The following SRL variants were observed in gnomAD, a reference collection of about 807,000 sequenced individuals.
SRL encodes sarcalumenin.
Under a neutral mutation model 39.5 loss-of-function variants are expected in SRL, and 23 were observed. The ratio of observed to expected loss-of-function variants is 0.58; its 90% CI spans 0.42 to 0.82. The LOEUF is 0.82. Among genes scored for constraint, SRL ranks in the 40% least tolerant of loss-of-function variants. The pLI is 0.00. For synonymous variants in SRL, 272 were observed against 237.4 expected, an observed-to-expected ratio of 1.15 and a Z score of -1.34; for missense variants, 592 against 607.8, an observed-to-expected ratio of 0.97 and a Z score of 0.27.
At position 4,203,196 on chromosome 16, in the gene SRL, A is replaced by G. The variant is rs1364637463; in HGVS notation, c.229T>C (p.Tyr77His). ...ATCTCATGCTGCCGGAGCTCATTGT[A>G]CTTGTAGGACTGCTCCAGAGGCTTG... ...SIKPLEQSYK[Y>H]NELRQHEITD... Residue 77 changes from tyrosine to histidine, a missense_variant, in exon 3 of 6, where the codon TAC becomes CAC. Coordinates refer to ENST00000399609, the MANE Select transcript of SRL (RefSeq NM_001098814.2). 6.2e-7 allele frequency: 1 copy of G among 1,614,048 alleles called. No homozygotes were observed. The highest frequency in any genetic ancestry group is 1.3e-5 in the African/African-American group (1 of 74,928).
At chr16:4,212,713 C>A (rs773799070) in intron 1 of SRL, among the ~76,000 whole-genome samples, 7 of 152,146 alleles carry the variant, frequency 4.6e-5, no homozygotes, top group Non-Finnish European at 1.0e-4. Context: ...GCCCAGAGAC[C>A]ATGGGAAGGC....
chr16:4,193,795 A>G (rs2052098292), intron 5 of SRL, among the ~76,000 whole-genome samples: 1 of 152,022 alleles, frequency 6.6e-6, no homozygotes, highest in South Asian at 2.1e-4. Flanking sequence ...TGTCTTAAAA[A>G]CATTGAAATC....
chr16:4,212,566 C>T lies in SRL; in HGVS notation c.62-7932G>A, dbSNP rs191946563. Among the ~76,000 whole-genome samples, 4 of 152,338 alleles carry T rather than the reference C, an allele frequency of 2.6e-5. No individual in the cohort carries two copies. The East Asian group carries it at 7.7e-4, about 29-fold the overall frequency. Reference sequence around the variant, plus strand: ...AGGACACCCTGGAGAGGTGAATCCCCAGTAAGATGAGTCTTGGTCTATCCT... The same window carrying T: ...AGGACACCCTGGAGAGGTGAATCCCTAGTAAGATGAGTCTTGGTCTATCCT... On this transcript the variant is annotated intron_variant, in intron 1 of 5. Coordinates refer to ENST00000399609, the MANE Select transcript of SRL (RefSeq NM_001098814.2).
intron 1 of SRL, among the ~76,000 whole-genome samples, chr16:4,236,046 C>T (rs2052710188): frequency 6.6e-6 from 1 of 152,072 alleles, no homozygotes. Flanking sequence ...TGCACTCCAG[C>T]CTGCGCAACA....
At chr16:4,213,555 T>C (rs1217464263) in intron 1 of SRL, among the ~76,000 whole-genome samples, 4 of 151,530 alleles carry the variant, frequency 2.6e-5, no homozygotes, top group Non-Finnish European at 5.9e-5. Context: ...GAACTCCATG[T>C]GTGTGCCACC....
intron 1 of SRL, among the ~76,000 whole-genome samples, chr16:4,240,954 C>T (rs746987404): frequency 4.6e-5 from 7 of 152,204 alleles, no homozygotes; most frequent in Admixed American, 2.6e-4. Context: ...AGCCCCCCAC[C>T]TTACATCTTG....
intron 1 of SRL, among the ~76,000 whole-genome samples, chr16:4,236,092 A>G (rs1383284896): frequency 6.6e-6 from 1 of 152,112 alleles, no homozygotes; most frequent in Admixed American, 6.6e-5. Context: ...AATAAAAAGA[A>G]AACGTAAAGA....
At chr16:4,196,260 T>G (rs541999567) in intron 4 of SRL, among the ~76,000 whole-genome samples, 1 of 152,126 alleles carries the variant, frequency 6.6e-6, no homozygotes, top group African/African-American at 2.4e-5. Context: ...GCTCCTGGCC[T>G]AAATTTACCA....
rs755332352 is a variant in SRL, at chr16:4,204,652, C to T, written c.62-18G>A. ...CGTCTCTTCTGTGGAGAGAAGCAGA[C>T]AGCCAAGTGAGAGCAAAGCTAACAG... On this transcript the variant is annotated intron_variant, in intron 1 of 5. Transcript: ENST00000399609. 7 of 1,610,204 alleles carry T rather than the reference C, an allele frequency of 4.3e-6. No homozygotes were observed. The highest frequency in any genetic ancestry group is 4.0e-5 in the African/African-American group (3 of 74,846).
chr16:4,235,144 C>G (rs942874577), intron 1 of SRL, among the ~76,000 whole-genome samples: 1 of 152,104 alleles, frequency 6.6e-6, no homozygotes, highest in African/African-American at 2.4e-5. Context: ...CCAAATAGGG[C>G]GGAGGCAGAC....
chr16:4,190,414 C>T lies in SRL; in HGVS notation c.*1739G>A, dbSNP rs376330725. ...CAGGACAGCTTGTTCCCAAGAGAAG[C>T]GGCTGGCTGTGTACAAAGGAGCCCC... On this transcript the variant is annotated 3_prime_UTR_variant, in exon 6 of 6. Transcript: ENST00000399609. 1.0e-4 allele frequency: 40 copies of T among 398,690 alleles called. No individual in the cohort carries two copies. The highest frequency in any genetic ancestry group is 6.0e-4 in the African/African-American group (29 of 48,636). 24.7% of individuals were successfully genotyped at this position (398,690 alleles called of 1,614,324 possible).
At chr16:4,228,226 C>T (rs2052613590) in intron 1 of SRL, among the ~76,000 whole-genome samples, 1 of 151,940 alleles carries the variant, frequency 6.6e-6, no homozygotes, top group Non-Finnish European at 1.5e-5. Flanking sequence ...ATCACGAGGT[C>T]AGGAGTTCAA....
chr16:4,197,083 T>TTGTGTG lies in SRL; in HGVS notation c.376+715_376+716insCACACA, dbSNP rs1555453610. On this transcript the variant is annotated intron_variant, in intron 4 of 5. Coordinates refer to ENST00000399609, the MANE Select transcript of SRL (RefSeq NM_001098814.2). ...TTCTTTTTTTTTTTTTTTTTTTTTT[T>TTGTGTG]TGTGAGACAGAGTCTCACTCTGTCG... is the stretch of plus-strand genomic sequence containing the variant. 6.6e-4 allele frequency among the ~76,000 whole-genome samples: 46 copies of TTGTGTG among 69,838 alleles called. 1 individual carries two copies. Among genetic ancestry groups the TTGTGTG allele is most frequent in the African/African-American group, 2.4e-3 (43 of 17,862 alleles). The allele number at this position is 69,838 out of a possible 152,430, so 45.8% of individuals were successfully genotyped here. A position where few individuals can be genotyped will look rare whatever the true frequency, so the allele number is the denominator to read the frequency against.
At position 4,190,359 on chromosome 16, in the gene SRL, T is replaced by C; in HGVS notation, c.*1794A>G. 2.5e-6 allele frequency: 1 copy of C among 398,774 alleles called. No homozygotes were observed. Among genetic ancestry groups the C allele is most frequent in the East Asian group, 3.6e-5 (1 of 28,066 alleles). The allele number at this position is 398,774 out of a possible 1,614,324, so 24.7% of individuals were successfully genotyped here. A position where few individuals can be genotyped will look rare whatever the true frequency, so the allele number is the denominator to read the frequency against. On this transcript the variant is annotated 3_prime_UTR_variant, in exon 6 of 6. Coordinates refer to ENST00000399609, the MANE Select transcript of SRL (RefSeq NM_001098814.2). ...GACTTCCTGGTGCTGAGCTGGTGCA[T>C]CCTGACTCCTGCCTCGTGGGTAAGG...
intron 1 of SRL, among the ~76,000 whole-genome samples, chr16:4,229,305 G>A (rs147098855): frequency 3.3e-5 from 5 of 152,136 alleles, no homozygotes; most frequent in East Asian, 1.9e-4. Context: ...TTAGCCAAGC[G>A]TGGTGGTGGG....
intron 1 of SRL, among the ~76,000 whole-genome samples, chr16:4,205,925 G>A (rs1271078108): frequency 1.3e-5 from 2 of 148,878 alleles, no homozygotes. Flanking sequence ...CAGCCTGGGT[G>A]ACAGAGTGAG....
intron 1 of SRL, among the ~76,000 whole-genome samples, chr16:4,238,725 T>A (rs572113099): frequency 6.6e-6 from 1 of 151,796 alleles, no homozygotes; most frequent in African/African-American, 2.4e-5. Flanking sequence ...CAGGTTCATG[T>A]GATCCTCCCC....
chr16:4,224,874 A>G (rs954871416), intron 1 of SRL, among the ~76,000 whole-genome samples: 1 of 152,266 alleles, frequency 6.6e-6, no homozygotes, highest in African/African-American at 2.4e-5. Context: ...GATAAACAGA[A>G]CATGGTCTAT....
intron 1 of SRL, among the ~76,000 whole-genome samples, chr16:4,233,569 G>A (rs949655892): frequency 1.3e-5 from 2 of 151,566 alleles, no homozygotes; most frequent in Non-Finnish European, 2.9e-5. Context: ...GTGGGGGGGT[G>A]TTAGTTACAT....
Sources: allele counts gnomAD v4.1 joint callset (sites outside exome capture counted in the v4.1 genomes callset), GRCh38; gene constraint gnomAD v4.1.1; transcripts MANE v1.5; gene names NCBI Gene and HGNC (gene_info 2026-07-23, HGNC 2026-07-21).